PDGFC: variants seen among roughly 807,000 people sequenced by gnomAD.
PDGFC encodes the protein platelet derived growth factor C, also known as platelet-derived growth factor C.
Under a neutral mutation model 35.5 loss-of-function variants are expected in PDGFC, and 12 were observed. The ratio of observed to expected loss-of-function variants is 0.34; its 90% CI spans 0.22 to 0.55. PDGFC has a LOEUF of 0.55. PDGFC is among the 20% of genes least tolerant of loss of function. PDGFC has a pLI of 0.91. For synonymous variants in PDGFC, 159 were observed against 148.8 expected (o/e 1.07, Z -0.50); for missense variants, 322 against 412.4 (o/e 0.78, Z 1.90).
chr4:156,765,951 T>C (rs1233104992), intron 5 of PDGFC, among the ~76,000 whole-genome samples: 2 of 152,076 alleles, frequency 1.3e-5, no homozygotes, highest in Admixed American at 6.6e-5. Context: ...AGTATGAGGG[T>C]TGGAGACTCA....
chr4:156,865,078 A>C (rs1285040363), intron 1 of PDGFC, among the ~76,000 whole-genome samples: 2 of 152,108 alleles, frequency 1.3e-5, no homozygotes, highest in Non-Finnish European at 2.9e-5. Context: ...TCTACAAACC[A>C]CTTTATCTAT....
chr4:156,906,323 T>G (rs574340996), intron 1 of PDGFC, among the ~76,000 whole-genome samples: 1 of 152,302 alleles, frequency 6.6e-6, no homozygotes, highest in Non-Finnish European at 1.5e-5. Flanking sequence ...TTAAATATAG[T>G]AAATTCAATT....
intron 3 of PDGFC, among the ~76,000 whole-genome samples, chr4:156,796,177 C>A (rs893446370): frequency 6.6e-6 from 1 of 152,122 alleles, no homozygotes; most frequent in African/African-American, 2.4e-5. Flanking sequence ...TTCCTCCTTA[C>A]CCAAGTTAAT....
intron 1 of PDGFC, among the ~76,000 whole-genome samples, chr4:156,874,936 T>C (rs1480377791): frequency 6.6e-6 from 1 of 152,028 alleles, no homozygotes; most frequent in African/African-American, 2.4e-5. Flanking sequence ...CAGGCTTGTC[T>C]CTAACTCCTG....
chr4:156,801,083 T>G (rs547402509), intron 3 of PDGFC, among the ~76,000 whole-genome samples: 1 of 152,256 alleles, frequency 6.6e-6, no homozygotes, highest in South Asian at 2.1e-4. Flanking sequence ...TTGTAGAACT[T>G]AAGATTGGTC....
At chr4:156,940,049 T>C (rs1264738200) in intron 1 of PDGFC, among the ~76,000 whole-genome samples, 1 of 152,138 alleles carries the variant, frequency 6.6e-6, no homozygotes, top group Non-Finnish European at 1.5e-5. Context: ...ATAATTCAAG[T>C]AGATTAGTCA....
intron 3 of PDGFC, among the ~76,000 whole-genome samples, chr4:156,797,702 C>T (rs902540830): frequency 6.6e-6 from 1 of 152,142 alleles, no homozygotes; most frequent in Admixed American, 6.5e-5. Context: ...CATTGAAAGC[C>T]GTCCTGGGCC....
chr4:156,866,314 C>T (rs1579064961), intron 1 of PDGFC, among the ~76,000 whole-genome samples: 1 of 152,118 alleles, frequency 6.6e-6, no homozygotes, highest in African/African-American at 2.4e-5. Flanking sequence ...GCATAGTATT[C>T]CATTGTGTGT....
intron 1 of PDGFC, among the ~76,000 whole-genome samples, chr4:156,872,394 A>C (rs959956575): frequency 1.3e-5 from 2 of 152,196 alleles, no homozygotes; most frequent in African/African-American, 4.8e-5. Context: ...ATTAGCAAAC[A>C]TTATTGGTGG....
rs1024967547 is a variant in PDGFC, at chr4:156,762,788, T to C, written c.*302A>G. The C allele has an allele frequency of 4.2e-6, 1 of 239,452 alleles. No individual in the cohort carries two copies. Among genetic ancestry groups the C allele is most frequent in the Non-Finnish European group, 8.2e-6 (1 of 122,384 alleles). The allele number at this position is 239,452 out of a possible 1,614,324, so 14.8% of individuals were successfully genotyped here. Reference sequence around the variant, plus strand: ...AAAGAACTGAAATACAGAACCCAGCTAGTGGAATACGTACATGGTAACTCT... The same window carrying C: ...AAAGAACTGAAATACAGAACCCAGCCAGTGGAATACGTACATGGTAACTCT... On this transcript the variant is annotated 3_prime_UTR_variant, in exon 6 of 6. Transcript: ENST00000502773.
chr4:156,851,644 C>G (rs980017640), intron 1 of PDGFC, among the ~76,000 whole-genome samples: 1 of 152,018 alleles, frequency 6.6e-6, no homozygotes, highest in African/African-American at 2.4e-5. Context: ...AGGCTCCAGG[C>G]CATAAAAATC....
At chr4:156,855,616 G>C (rs910919457) in intron 1 of PDGFC, among the ~76,000 whole-genome samples, 1 of 152,012 alleles carries the variant, frequency 6.6e-6, no homozygotes, top group Non-Finnish European at 1.5e-5. Context: ...ATTTCTCTTA[G>C]AGTGAGATGC....
At chr4:156,946,098 C>A (rs1731940538) in intron 1 of PDGFC, among the ~76,000 whole-genome samples, 1 of 151,894 alleles carries the variant, frequency 6.6e-6, no homozygotes, top group African/African-American at 2.4e-5. Flanking sequence ...TATGTCCTGC[C>A]TATTAAAAAC....
intron 2 of PDGFC, among the ~76,000 whole-genome samples, chr4:156,848,584 TA>T (rs1449307420): frequency 3.3e-5 from 5 of 152,148 alleles, no homozygotes; most frequent in Middle Eastern, 3.4e-3. Context: ...TTTTAAAGCA[TA>T]ATTTTTTTAG....
intron 2 of PDGFC, among the ~76,000 whole-genome samples, chr4:156,823,713 T>G (rs1229553660): frequency 6.6e-6 from 1 of 152,160 alleles, no homozygotes; most frequent in Non-Finnish European, 1.5e-5. Flanking sequence ...AAATACCATA[T>G]GACCCAGCAA....
chr4:156,869,014 C>T (rs1002003209), intron 1 of PDGFC, among the ~76,000 whole-genome samples: 3 of 152,204 alleles, frequency 2.0e-5, no homozygotes, highest in African/African-American at 7.2e-5. Context: ...TTCTCCTCTA[C>T]ATTAGTTTCT....
chr4:156,921,340 A>C (rs1227645826), intron 1 of PDGFC, among the ~76,000 whole-genome samples: 1 of 152,082 alleles, frequency 6.6e-6, no homozygotes, highest in Non-Finnish European at 1.5e-5. Flanking sequence ...TAATCAGAGA[A>C]AAACTACCCA....
chr4:156,967,485 CAAATCAAAATTCA>C (rs2110989773), intron 1 of PDGFC: 1 of 152,188 alleles, frequency 6.6e-6, no homozygotes, highest in South Asian at 2.1e-4. Context: ...CGGCATATTC[CAAATCAAAATTCA>C]GAATGGCTAA....
chr4:156,948,363 T>C (rs1455867451), intron 1 of PDGFC, among the ~76,000 whole-genome samples: 1 of 151,974 alleles, frequency 6.6e-6, no homozygotes. Flanking sequence ...ATTGTTGTGA[T>C]GGCTCTCCTG....
Sources: gnomAD v4.1 joint callset for allele counts (sites outside exome capture counted in the v4.1 genomes callset) on GRCh38, gnomAD v4.1.1 for gene constraint, MANE v1.5 for transcripts, NCBI Gene and HGNC (gene_info 2026-07-23, HGNC 2026-07-21) for gene names.